Variants in KLHDC4 observed in about 807,000 individuals in gnomAD.
KLHDC4 encodes the protein kelch domain containing 4, also known as kelch domain-containing protein 4.
Under a neutral mutation model 62.4 loss-of-function variants are expected in KLHDC4, and 90 were observed. That is an observed-to-expected ratio of 1.44 (90% CI 1.22 to 1.72). The LOEUF is 1.72. Ranked by LOEUF, KLHDC4 falls within the 40% of genes most tolerant of loss-of-function variation. KLHDC4 has a pLI of 0.00. For synonymous variants in KLHDC4, 386 were observed against 284.4 expected (o/e 1.36, Z -3.59); for missense variants, 1,025 against 699.7 (o/e 1.47, Z -5.25).
At chr16:87,755,997 G>C (rs1263923718) in intron 3 of KLHDC4, 1 of 170,220 alleles carries the variant, frequency 5.9e-6, no homozygotes, top group Non-Finnish European at 1.3e-5. Flanking sequence ...GTGAAACACA[G>C]GTCTTACTGG....
At chr16:87,737,459 G>A (rs944229991) in intron 5 of KLHDC4, among the ~76,000 whole-genome samples, 32 of 151,960 alleles carry the variant, frequency 2.1e-4, no homozygotes, top group African/African-American at 7.0e-4. Context: ...GTGGTGGTGC[G>A]CACCTGTAAT....
downstream of KLHDC4, among the ~76,000 whole-genome samples, chr16:87,704,503 C>A: frequency 8.5e-6 from 1 of 118,300 alleles, no homozygotes; most frequent in African/African-American, 3.4e-5. Context: ...CTGAACGTCA[C>A]GGGGAAGGAG....
intron 5 of KLHDC4, among the ~76,000 whole-genome samples, chr16:87,735,692 G>T (rs1035610274): frequency 2.0e-5 from 3 of 152,184 alleles, no homozygotes; most frequent in Admixed American, 2.0e-4. Context: ...ACCCCAACAG[G>T]CTTCTCAAAA....
chr16:87,760,357 T>C (rs1212267901), intron 2 of KLHDC4, among the ~76,000 whole-genome samples: 15 of 150,110 alleles, frequency 1.0e-4, no homozygotes, highest in African/African-American at 2.0e-4. Context: ...CCTGTAATCC[T>C]AGCACTCTGG....
At chr16:87,753,213 G>T (rs1204518242) in intron 4 of KLHDC4, among the ~76,000 whole-genome samples, 2 of 152,214 alleles carry the variant, frequency 1.3e-5, no homozygotes, top group Non-Finnish European at 2.9e-5. Context: ...TGGAGTCTCT[G>T]TACACTAAAC....
rs1428437903 is a variant in KLHDC4, at chr16:87,720,884, C to A, written c.759+5881G>T. On this transcript the variant is annotated intron_variant, in intron 7 of 11. Coordinates refer to ENST00000270583, the MANE Select transcript of KLHDC4 (RefSeq NM_017566.4). ...GGTTTCTGCAGAGCCAGCCCGGGGT[C>A]CCCACCGTGCCTGCCTCTCCAGTCA... 2.0e-5 allele frequency among the ~76,000 whole-genome samples: 3 copies of A among 152,202 alleles called. No individual in the cohort carries two copies. The East Asian group carries it at 5.8e-4, about 29-fold the overall frequency.
chr16:87,743,754 T>C (rs900738149), intron 5 of KLHDC4, among the ~76,000 whole-genome samples: 1 of 150,992 alleles, frequency 6.6e-6, no homozygotes, highest in East Asian at 1.9e-4. Context: ...AAAATAAAAA[T>C]AAAAGTAAAT....
intron 7 of KLHDC4, among the ~76,000 whole-genome samples, chr16:87,717,849 T>C (rs2037316308): frequency 6.6e-6 from 1 of 151,436 alleles, no homozygotes; most frequent in African/African-American, 2.5e-5. Context: ...CCTGTCTATA[T>C]GAACCGTCTT....
chr16:87,749,632 G>A (rs2143105456), intron 4 of KLHDC4, among the ~76,000 whole-genome samples: 1 of 151,962 alleles, frequency 6.6e-6, no homozygotes, highest in East Asian at 1.9e-4. Flanking sequence ...TGCCCAGACT[G>A]GAGTGCGGTG....
intron 5 of KLHDC4, 36 bp downstream of exon 5, chr16:87,748,637 C>T: frequency 1.2e-6 from 2 of 1,612,866 alleles, no homozygotes; most frequent in East Asian, 4.5e-5. Flanking sequence ...ACAGAAGAGC[C>T]ATGCCCGGAG....
intron 6 of KLHDC4, 96 bp downstream of exon 6, chr16:87,730,456 G>A: frequency 9.8e-7 from 1 of 1,020,042 alleles, no homozygotes; most frequent in East Asian, 2.5e-5. Context: ...TGGGAGGATG[G>A]GTGCGTCTTT....
At chr16:87,715,493 G>A (rs2036775492) in intron 7 of KLHDC4, among the ~76,000 whole-genome samples, 1 of 152,118 alleles carries the variant, frequency 6.6e-6, no homozygotes, top group Admixed American at 6.5e-5. Flanking sequence ...TCCCGTCGAG[G>A]GTCCCACTGG....
chr16:87,723,999 G>C (rs2038908696), intron 7 of KLHDC4, among the ~76,000 whole-genome samples: 1 of 152,124 alleles, frequency 6.6e-6, no homozygotes, highest in Non-Finnish European at 1.5e-5. Flanking sequence ...ACCACGCCTG[G>C]CTAATTTTTG....
intron 7 of KLHDC4, among the ~76,000 whole-genome samples, chr16:87,716,464 C>T (rs534289206): frequency 1.3e-5 from 2 of 152,312 alleles, no homozygotes; most frequent in South Asian, 4.2e-4. Flanking sequence ...GCCTTTACAG[C>T]TACTCTTGGG....
At chr16:87,728,381 C>G (rs2039749875) in intron 6 of KLHDC4, among the ~76,000 whole-genome samples, 1 of 152,120 alleles carries the variant, frequency 6.6e-6, no homozygotes, top group African/African-American at 2.4e-5. Flanking sequence ...TACAAAGATT[C>G]TACTTTGCAC....
intron 5 of KLHDC4, among the ~76,000 whole-genome samples, chr16:87,746,217 G>T (rs1006034763): frequency 6.6e-6 from 1 of 152,052 alleles, no homozygotes; most frequent in African/African-American, 2.4e-5. Flanking sequence ...CTGCAATAAG[G>T]TGTGATCACA....
intron 3 of KLHDC4, 64 bp downstream of exon 3, chr16:87,756,330 CTTAAG>C (rs1324369518): frequency 1.7e-6 from 2 of 1,204,184 alleles, no homozygotes; most frequent in East Asian, 2.3e-5. Flanking sequence ...ATGTCACTGC[CTTAAG>C]TTAACTTTCT....
At chr16:87,730,861 G>C (rs773180467) in intron 5 of KLHDC4, 81 of 473,674 alleles carry the variant, frequency 1.7e-4, no homozygotes, top group African/African-American at 1.6e-3. Context: ...AATAAAACAG[G>C]AGAACATCTC....
intron 7 of KLHDC4, among the ~76,000 whole-genome samples, chr16:87,722,760 C>T (rs1193389132): frequency 1.3e-5 from 2 of 152,270 alleles, no homozygotes; most frequent in Admixed American, 6.5e-5. Flanking sequence ...TGCATCTCTG[C>T]AGGTCACTCC....
Sources: allele counts gnomAD v4.1 joint callset (sites outside exome capture counted in the v4.1 genomes callset), GRCh38; gene constraint gnomAD v4.1.1; transcripts MANE v1.5; gene names NCBI Gene and HGNC (gene_info 2026-07-23, HGNC 2026-07-21).